The following TAF1B variants were observed in gnomAD, a reference collection of about 807,000 sequenced individuals.
TAF1B encodes TATA-box binding protein associated factor, RNA polymerase I subunit B, also known as TATA box-binding protein-associated factor RNA polymerase I subunit B.
Under a neutral mutation model 83.9 loss-of-function variants are expected in TAF1B, and 61 were observed. That is an observed-to-expected ratio of 0.73 (90% CI 0.59 to 0.90). The LOEUF is 0.90. Among genes scored for constraint, TAF1B ranks in the 40% least tolerant of loss-of-function variants. TAF1B has a pLI of 0.00. For synonymous variants in TAF1B, 221 were observed against 224.6 expected (o/e 0.98, Z 0.14); for missense variants, 625 against 677.0 (o/e 0.92, Z 0.85).
In TAF1B at chr2:9,910,789, G is replaced by C. The variant is rs751507059; in HGVS notation, c.1009G>C (p.Val337Leu). 1 of 1,613,658 alleles carries C rather than the reference G, an allele frequency of 6.2e-7. No individual in the cohort carries two copies. Among genetic ancestry groups the C allele is most frequent in the South Asian group, 1.1e-5 (1 of 91,018 alleles). Residue 337 changes from valine (V) to leucine (L), a missense_variant, in exon 10 of 15, where the codon GTG becomes CTG. Coordinates refer to ENST00000263663, the MANE Select transcript of TAF1B (RefSeq NM_005680.3). ...HVVKMTGMGE[V>L]DFLTFDPIAK... ...GGTAAAAATGACTGGAATGGGAGAAGTGGATTTTCTGACATTTGATCCTAT... is the reference window on the plus strand; with the variant it reads ...GGTAAAAATGACTGGAATGGGAGAACTGGATTTTCTGACATTTGATCCTAT...
At chr2:9,899,261 T>C (rs1213874239) in intron 8 of TAF1B, among the ~76,000 whole-genome samples, 1 of 152,222 alleles carries the variant, frequency 6.6e-6, no homozygotes, top group Non-Finnish European at 1.5e-5. Flanking sequence ...TCATACAACA[T>C]TTGACTTTTT....
chr2:9,925,203 AG>A (rs1665997925), intron 14 of TAF1B, among the ~76,000 whole-genome samples: 1 of 152,160 alleles, frequency 6.6e-6, no homozygotes, highest in African/African-American at 2.4e-5. Flanking sequence ...GCACTTTGGG[AG>A]GCCGAGGTGG....
In TAF1B at chr2:9,910,015, G is replaced by C. The variant is rs59396686; in HGVS notation, c.956-721G>C. On this transcript the variant is annotated intron_variant, in intron 9 of 14. Coordinates refer to ENST00000263663, the MANE Select transcript of TAF1B (RefSeq NM_005680.3). ...AGCTCATTATCTCTTATAAAAAATGGCTGTCATACTTGAAATTGTGTGGTC... is the reference window on the plus strand; with the variant it reads ...AGCTCATTATCTCTTATAAAAAATGCCTGTCATACTTGAAATTGTGTGGTC... 5.2e-3 allele frequency among the ~76,000 whole-genome samples: 796 copies of C among 152,312 alleles called. 10 individuals are homozygous for C. Among genetic ancestry groups the C allele is most frequent in the African/African-American group, 0.018 (762 of 41,552 alleles).
At chr2:9,902,300 G>T (rs400758) in intron 8 of TAF1B, among the ~76,000 whole-genome samples, 42,280 of 149,614 alleles carry the variant, frequency 0.28, 6,924 homozygotes, top group Middle Eastern at 0.4. Context: ...TAAATGTATA[G>T]ACAGTGTGAT....
intron 7 of TAF1B, among the ~76,000 whole-genome samples, chr2:9,880,702 T>G (rs1323172276): frequency 6.6e-6 from 1 of 152,024 alleles, no homozygotes; most frequent in East Asian, 1.9e-4. Context: ...GGAAGACCCT[T>G]CATCTCTTAC....
At chr2:9,908,141 G>A (rs985381550) in intron 9 of TAF1B, among the ~76,000 whole-genome samples, 11 of 125,278 alleles carry the variant, frequency 8.8e-5, no homozygotes, top group African/African-American at 3.1e-4. Flanking sequence ...CACCTCCCAC[G>A]TTCACACCAT....
chr2:9,853,334 G>C (rs960691798), intron 4 of TAF1B, among the ~76,000 whole-genome samples: 2 of 152,146 alleles, frequency 1.3e-5, no homozygotes, highest in African/African-American at 2.4e-5. Context: ...TTAATGGCTG[G>C]GTAATCTTGG....
rs745974036 is a variant in TAF1B at position 9,913,359 on chromosome 2, T to G, written c.1271+110T>G. 8 of 820,474 alleles carry G rather than the reference T, an allele frequency of 9.8e-6. No individual in the cohort carries two copies. In the African/African-American group the frequency reaches 1.0e-4, roughly 11 times the overall value. The allele number at this position is 820,474 out of a possible 1,614,324, so 50.8% of individuals were successfully genotyped here. A position where few individuals can be genotyped will look rare whatever the true frequency, so the allele number is the denominator to read the frequency against. ...TACACTTATCTACATTGTGACTTTT[T>G]TTTCTGGAAATATTAGCCCTACACT... On this transcript the variant is annotated intron_variant, in intron 12 of 14. Transcript: ENST00000263663.
chr2:9,914,875 G>T lies in TAF1B; in HGVS notation c.1271+1626G>T, dbSNP rs993676239. Among the ~76,000 whole-genome samples the T allele has an allele frequency of 3.3e-5, 5 of 152,142 alleles. No individual in the cohort carries two copies. The highest frequency in any genetic ancestry group is 5.9e-5 in the Non-Finnish European group (4 of 68,028). ...GCTGCTCAGGCCCAGAGCTCAGTGC[G>T]TGGTGGCCACCTGTCGGTTTCACCC... is the stretch of plus-strand genomic sequence containing the variant. On this transcript the variant is annotated intron_variant, in intron 12 of 14. Transcript: ENST00000263663. The surrounding 1 kb of genome is among the most constrained non-coding windows in gnomAD (Gnocchi z 4.3).
At chr2:9,893,184 T>G (rs907573254) in intron 8 of TAF1B, among the ~76,000 whole-genome samples, 4 of 152,218 alleles carry the variant, frequency 2.6e-5, no homozygotes, top group African/African-American at 9.7e-5. Flanking sequence ...TATCCAGAGT[T>G]AACTGTTGTT....
At chr2:9,845,634 AT>A in intron 2 of TAF1B, 1 of 265,190 alleles carries the variant, frequency 3.8e-6, no homozygotes, top group Non-Finnish European at 7.4e-6. Context: ...ACTTATTTAC[AT>A]TTTTTTAAAT....
intron 6 of TAF1B, among the ~76,000 whole-genome samples, chr2:9,869,951 C>T (rs1422516358): frequency 2.6e-5 from 4 of 152,018 alleles, no homozygotes; most frequent in Non-Finnish European, 5.9e-5. Flanking sequence ...ATAAAATCAC[C>T]AGTTACTGTA....
At chr2:9,855,258 G>T (rs1262515191) in intron 5 of TAF1B, among the ~76,000 whole-genome samples, 1 of 152,178 alleles carries the variant, frequency 6.6e-6, no homozygotes, top group African/African-American at 2.4e-5. Context: ...GCCTCCCAAA[G>T]TGCTGGGATT....
At chr2:9,909,349 G>A (rs925572280) in intron 9 of TAF1B, among the ~76,000 whole-genome samples, 2 of 152,210 alleles carry the variant, frequency 1.3e-5, no homozygotes, top group African/African-American at 4.8e-5. Context: ...GGAGGCTGTG[G>A]TATCATGTCT....
In TAF1B at chr2:9,882,787, A is replaced by G. The variant is rs1355861850; in HGVS notation, c.789A>G (p.Arg263=). 6.2e-7 allele frequency: 1 copy of G among 1,610,566 alleles called. No homozygotes were observed. Among genetic ancestry groups the G allele is most frequent in the Non-Finnish European group, 8.5e-7 (1 of 1,178,262 alleles). ...PEQMKLYGRD[R]GIFGIESWPD... Reference sequence around the variant, plus strand: ...AGATGAAATTATATGGACGTGACAGAGGAATCTTTGGTATAGAGGTAAGTT... The same window carrying G: ...AGATGAAATTATATGGACGTGACAGGGGAATCTTTGGTATAGAGGTAAGTT... The change falls in exon 8 of 15, where the codon AGA becomes AGG. Residue 263 remains arginine (R), a synonymous_variant. Coordinates refer to ENST00000263663, the MANE Select transcript of TAF1B (RefSeq NM_005680.3).
chr2:9,853,751 G>C (rs970269953), intron 4 of TAF1B, among the ~76,000 whole-genome samples: 1 of 152,058 alleles, frequency 6.6e-6, no homozygotes, highest in Non-Finnish European at 1.5e-5. Flanking sequence ...GTGAGCCACC[G>C]TGCCCAGCCG....
chr2:9,868,604 G>T, intron 6 of TAF1B, 175 bp downstream of exon 6: 12 of 1,009,988 alleles, frequency 1.2e-5, no homozygotes, highest in Non-Finnish European at 1.5e-5. Context: ...TGAAATCTTA[G>T]CGCAATTTTT....
At chr2:9,926,248 A>C (rs1329564837) in intron 14 of TAF1B, among the ~76,000 whole-genome samples, 2 of 152,224 alleles carry the variant, frequency 1.3e-5, no homozygotes, top group African/African-American at 4.8e-5. Context: ...ATATGCAGTC[A>C]GTGATTAGAT....
chr2:9,870,113 TA>T (rs1035667709), intron 6 of TAF1B, among the ~76,000 whole-genome samples: 1 of 152,056 alleles, frequency 6.6e-6, no homozygotes, highest in Admixed American at 6.5e-5. Context: ...TAATAATAAA[TA>T]AATTTTTAAA....
Sources: allele counts gnomAD v4.1 joint callset (sites outside exome capture counted in the v4.1 genomes callset), GRCh38; gene constraint gnomAD v4.1.1; non-coding constraint Gnocchi (gnomAD v3.1); transcripts MANE v1.5; gene names NCBI Gene and HGNC (gene_info 2026-07-23, HGNC 2026-07-21).